VPS13D: variants seen among roughly 807,000 people sequenced by gnomAD.
VPS13D encodes the protein vacuolar protein sorting 13 homolog D.
Under a neutral mutation model 461.9 loss-of-function variants are expected in VPS13D, and 187 were observed. The ratio of observed to expected loss-of-function variants is 0.40; its 90% CI spans 0.36 to 0.46. VPS13D has a LOEUF of 0.46. Among genes scored for constraint, VPS13D ranks in the 20% least tolerant of loss-of-function variants. The pLI is 0.60. For missense variants in VPS13D, 4,711 were observed against 5,364.9 expected, an observed-to-expected ratio of 0.88 and a Z score of 3.81; for synonymous variants, 1,951 against 1,986.3, an observed-to-expected ratio of 0.98 and a Z score of 0.47.
intron 68 of VPS13D, among the ~76,000 whole-genome samples, chr1:12,506,306 C>T (rs918249369): frequency 6.6e-6 from 1 of 152,210 alleles, no homozygotes; most frequent in Non-Finnish European, 1.5e-5. Flanking sequence ...AGGAAGATGA[C>T]AGTTTTACCT....
intron 68 of VPS13D, chr1:12,500,214 C>T (rs914477507): frequency 5.1e-6 from 5 of 984,202 alleles, no homozygotes; most frequent in Non-Finnish European, 6.0e-6. Flanking sequence ...AAGATAGTTA[C>T]CAACGTATGA....
chr1:12,399,352 A>G (rs1333923202), intron 60 of VPS13D, among the ~76,000 whole-genome samples: 2 of 151,648 alleles, frequency 1.3e-5, no homozygotes, highest in Non-Finnish European at 2.9e-5. Context: ...GCCCACGACC[A>G]CGTCCAGCTA....
chr1:12,260,201 A>G (rs12727243), intron 10 of VPS13D, among the ~76,000 whole-genome samples: 1 of 151,364 alleles, frequency 6.6e-6, no homozygotes, highest in Admixed American at 6.6e-5. Flanking sequence ...AATTTTTTGT[A>G]TTTTTAGTAG....
At chr1:12,469,219 G>A (rs773708388) in intron 67 of VPS13D, among the ~76,000 whole-genome samples, 1 of 152,086 alleles carries the variant, frequency 6.6e-6, no homozygotes, top group African/African-American at 2.4e-5. Context: ...ATACGGTCTA[G>A]GGACCCCCTG....
At chr1:12,432,360 C>G (rs1645002537) in intron 65 of VPS13D, among the ~76,000 whole-genome samples, 1 of 150,800 alleles carries the variant, frequency 6.6e-6, no homozygotes, top group Admixed American at 6.6e-5. Context: ...TGCCATTGCA[C>G]TCCGGCCTGG....
intron 46 of VPS13D, among the ~76,000 whole-genome samples, chr1:12,353,071 A>G (rs1331253248): frequency 4.0e-5 from 6 of 151,782 alleles, no homozygotes; most frequent in Non-Finnish European, 5.9e-5. Flanking sequence ...CTTGTACAAG[A>G]ATGTTCATTT....
In VPS13D at chr1:12,238,849, G is replaced by A. The variant is rs1171098990; in HGVS notation, c.98-3664G>A. Among the ~76,000 whole-genome samples the A allele has an allele frequency of 3.9e-5, 6 of 151,902 alleles. No homozygotes were observed. The East Asian group carries it at 9.7e-4, about 25-fold the overall frequency. ...AGGGTTTCACTATGTTGCCTAGGCT[G>A]GTCTGAAACTCTGGGCTCAAATGAT... On this transcript the variant is annotated intron_variant, in intron 2 of 69. Coordinates refer to ENST00000620676, the MANE Select transcript of VPS13D (RefSeq NM_015378.4).
At chr1:12,308,691 G>C in intron 27 of VPS13D, 50 bp downstream of exon 27, 1 of 1,580,062 alleles carries the variant, frequency 6.3e-7, no homozygotes, top group South Asian at 1.1e-5. Flanking sequence ...TGTTCACCAG[G>C]CAGGGTGGAG....
intron 63 of VPS13D, among the ~76,000 whole-genome samples, chr1:12,413,946 A>G (rs559729927): frequency 1.3e-5 from 2 of 152,106 alleles, no homozygotes; most frequent in South Asian, 4.2e-4. Flanking sequence ...ACCCAGTTCC[A>G]CTCCCAGGTA....
chr1:12,403,112 G>A (rs1381754212), intron 62 of VPS13D, among the ~76,000 whole-genome samples: 1 of 152,244 alleles, frequency 6.6e-6, no homozygotes, highest in African/African-American at 2.4e-5. Flanking sequence ...GTAGGTATGT[G>A]CCAGCTCTCT....
chr1:12,308,337 A>G, intron 26 of VPS13D, 94 bp from the exon 27 acceptor site: 1 of 1,341,360 alleles, frequency 7.5e-7, no homozygotes, highest in Admixed American at 2.0e-5. Flanking sequence ...ACATTTTCAA[A>G]GACAGAATGA....
At chr1:12,283,955 A>G (rs771322283) in intron 21 of VPS13D, among the ~76,000 whole-genome samples, 1 of 152,196 alleles carries the variant, frequency 6.6e-6, no homozygotes, top group African/African-American at 2.4e-5. Context: ...TGGTTTAAGA[A>G]TCTTACCTTT....
Position 12,244,275 on chromosome 1 carries a change from C to G in VPS13D, c.205C>G (p.Pro69Ala). ...CATTGGGAAAGTAACCCTTCAGATTCCCTTTTATCGCCCCCATGTGGACCC... is the reference window on the plus strand; with the variant it reads ...CATTGGGAAAGTAACCCTTCAGATTGCCTTTTATCGCCCCCATGTGGACCC... ...GFIGKVTLQIPFYRPHVDPWV... is the reference protein window; with the variant it reads ...GFIGKVTLQIAFYRPHVDPWV... The change falls in exon 4 of 70, where the codon CCC becomes GCC. Residue 69 changes from proline to alanine, a missense_variant. By Grantham distance (27) the Pro-to-Ala change is conservative. This residue lies in a region of VPS13D where 4,411 missense variants were observed against 4,937.8 expected (regional missense o/e 0.89). Coordinates refer to ENST00000620676, the MANE Select transcript of VPS13D (RefSeq NM_015378.4). The G allele has an allele frequency of 1.2e-6, 2 of 1,613,606 alleles. No individual in the cohort carries two copies. Among genetic ancestry groups the G allele is most frequent in the Non-Finnish European group, 1.7e-6 (2 of 1,179,804 alleles).
At chr1:12,433,559 TCTGCAGCTGGGGTCATTCC>T (rs1645020389) in intron 65 of VPS13D, among the ~76,000 whole-genome samples, 1 of 152,242 alleles carries the variant, frequency 6.6e-6, no homozygotes, top group Non-Finnish European at 1.5e-5. Context: ...CGCCAGTGAC[TCTGCAGCTGGGGTCATTCC>T]AAGTTCACGC....
At chr1:12,330,119 A>G (rs1022863055) in intron 37 of VPS13D, among the ~76,000 whole-genome samples, 2 of 152,140 alleles carry the variant, frequency 1.3e-5, no homozygotes, top group African/African-American at 2.4e-5. Flanking sequence ...TGTTGCAACT[A>G]AAAAGATGTT....
chr1:12,354,001 T>C lies in VPS13D; in HGVS notation c.9459T>C (p.Asn3153=). ...FRFCVAIKKE[N]YPDYMPSNIF... is the part of the protein sequence containing the mutation. Reference sequence around the variant, plus strand: ...TTTGTGTGGCTATAAAGAAAGAGAATTATCCAGATTATATGCCCTCAAACA... The same window carrying C: ...TTTGTGTGGCTATAAAGAAAGAGAACTATCCAGATTATATGCCCTCAAACA... The change falls in exon 47 of 70, where the codon AAT becomes AAC. Residue 3153 remains asparagine (N), a synonymous_variant. Coordinates refer to ENST00000620676, the MANE Select transcript of VPS13D (RefSeq NM_015378.4). 1 of 1,614,166 alleles carries C rather than the reference T, an allele frequency of 6.2e-7. No homozygotes were observed. Among genetic ancestry groups the C allele is most frequent in the South Asian group, 1.1e-5 (1 of 91,082 alleles).
At chr1:12,232,370 G>A (rs566664162) in intron 1 of VPS13D, among the ~76,000 whole-genome samples, 1 of 152,302 alleles carries the variant, frequency 6.6e-6, no homozygotes, top group South Asian at 2.1e-4. Flanking sequence ...GTTGGGATAG[G>A]TGTATCTTCT....
chr1:12,271,000 G>A lies in VPS13D; in HGVS notation c.1979G>A (p.Gly660Asp), dbSNP rs1463107702. Residue 660 changes from glycine (G) to aspartate (D), a missense_variant, in exon 17 of 70, where the codon GGT becomes GAT. This residue lies in a region of VPS13D where 4,411 missense variants were observed against 4,937.8 expected (regional missense o/e 0.89). Transcript: ENST00000620676. ...YKGKVHTSGF[G>D]YQSELELRVA... is the part of the protein sequence containing the mutation. ...TGTATTTCCAACCTTGCAGGTTTTG[G>A]TTATCAGTCTGAACTTGAGCTGAGA... The A allele has an allele frequency of 4.3e-6, 7 of 1,613,456 alleles. No homozygotes were observed. Among genetic ancestry groups the A allele is most frequent in the Non-Finnish European group, 5.9e-6 (7 of 1,179,716 alleles).
intron 6 of VPS13D, among the ~76,000 whole-genome samples, chr1:12,251,684 C>T (rs921233766): frequency 6.6e-6 from 1 of 152,122 alleles, no homozygotes; most frequent in African/African-American, 2.4e-5. Flanking sequence ...GAAGGGAAAG[C>T]CCTACTTTAC....
Sources: allele counts gnomAD v4.1 joint callset (sites outside exome capture counted in the v4.1 genomes callset), GRCh38; gene constraint gnomAD v4.1.1; regional missense constraint gnomAD v4.1.1; transcripts MANE v1.5; gene names NCBI Gene and HGNC (gene_info 2026-07-23, HGNC 2026-07-21).